ABCD4: variants seen among roughly 807,000 people sequenced by gnomAD.
The protein encoded by ABCD4 is ATP binding cassette subfamily D member 4.
Under a neutral mutation model 86.3 loss-of-function variants are expected in ABCD4, and 53 were observed. The observed-to-expected ratio is 0.61, with a 90% CI of 0.49 to 0.77. ABCD4 has a LOEUF of 0.77. Ranked by LOEUF, ABCD4 falls within the 30% of genes least tolerant of loss-of-function variation. The pLI is 0.00. For synonymous variants in ABCD4, 328 were observed against 313.6 expected (o/e 1.05, Z -0.49); for missense variants, 757 against 764.5 (o/e 0.99, Z 0.12).
intron 11 of ABCD4, 110 bp downstream of exon 11, chr14:74,292,177 C>G: frequency 1.0e-6 from 1 of 980,806 alleles, no homozygotes; most frequent in South Asian, 1.3e-5. Context: ...TCCATTTACT[C>G]CTTACAACTC....
chr14:74,295,160 G>A lies in ABCD4; in HGVS notation c.707C>T (p.Ala236Val). ...HMQIRVNAEP[A>V]AFYRAGHVEH... The stretch of plus-strand genomic sequence containing the variant: ...TCTCCAGACTCACCTGTAGAAAGCA[G>A]CAGGCTCCGCATTCACCCGAATCTG... The change falls in exon 7 of 19, where the codon GCT (alanine) becomes GTT (valine). Residue 236 changes from alanine to valine, a missense_variant. Transcript: ENST00000356924. 1 of 1,614,214 alleles carries A rather than the reference G, an allele frequency of 6.2e-7. No homozygotes were observed. Among genetic ancestry groups the A allele is most frequent in the South Asian group, 1.1e-5 (1 of 91,078 alleles).
At position 74,285,430 on chromosome 14, in the gene ABCD4, T is replaced by G. The variant is rs1038869913; in HGVS notation, c.*1031A>C. The stretch of plus-strand genomic sequence containing the variant: ...GTAAGTTAATAACACCGATGGTTTT[T>G]CTTGTATTTATTTTTAGTTACTTTC... On this transcript the variant is annotated 3_prime_UTR_variant, in exon 19 of 19. Transcript: ENST00000356924. 4.6e-5 allele frequency: 7 copies of G among 152,244 alleles called. No individual in the cohort carries two copies. The highest frequency in any genetic ancestry group is 1.7e-4 in the African/African-American group (7 of 41,456). 9.4% of individuals were successfully genotyped at this position (152,244 alleles called of 1,614,324 possible).
At chr14:74,295,266 G>A in intron 6 of ABCD4, 68 bp from the exon 7 acceptor site, 1 of 1,583,780 alleles carries the variant, frequency 6.3e-7, no homozygotes, top group Admixed American at 1.7e-5. Context: ...TTGGAGTCCT[G>A]GATCACAAAG....
rs2082886410 is a variant in ABCD4 at position 74,296,418 on chromosome 14, A to G, written c.457T>C (p.Phe153Leu). ...GCCATGCTGCTGAGCTGCCGGCAGAATCGCTCCACGTCCTGGCTGATGCGC... is the reference window on the plus strand; with the variant it reads ...GCCATGCTGCTGAGCTGCCGGCAGAGTCGCTCCACGTCCTGGCTGATGCGC... ...DQRISQDVER[F>L]CRQLSSMASK... The change falls in exon 5 of 19, where the codon TTC (phenylalanine) becomes CTC (leucine). Residue 153 changes from phenylalanine to leucine, a missense_variant. Phe to Leu is a conservative substitution (Grantham distance 22, BLOSUM62 0). Coordinates refer to ENST00000356924, the MANE Select transcript of ABCD4 (RefSeq NM_005050.4). 1.9e-6 allele frequency: 3 copies of G among 1,614,004 alleles called. No homozygotes were observed. Among genetic ancestry groups the G allele is most frequent in the Non-Finnish European group, 2.5e-6 (3 of 1,180,036 alleles).
At chr14:74,294,208 A>G (rs1162026707) in intron 7 of ABCD4, 1 of 150,384 alleles carries the variant, frequency 6.6e-6, no homozygotes. Context: ...GCCCGCCACC[A>G]TGCTCAGCTA....
chr14:74,290,046 T>A lies in ABCD4; in HGVS notation c.1400A>T (p.Asp467Val), dbSNP rs781770643. The change falls in exon 13 of 19, where the codon GAC (aspartate) becomes GTC (valine). Residue 467 changes from aspartate to valine, a missense_variant. Physicochemically the swap from Asp to Val is radical, Grantham distance 152. Coordinates refer to ENST00000356924, the MANE Select transcript of ABCD4 (RefSeq NM_005050.4). The part of the protein sequence containing the change: ...LFLPQKPFFT[D>V]GTLREQVIYP... The stretch of plus-strand genomic sequence containing the variant: ...ACTGACCTGCTCCCGAAGGGTCCCG[T>A]CAGTGAAGAATGGCTTTTGTGGCAG... 1 of 1,613,872 alleles carries A rather than the reference T, an allele frequency of 6.2e-7. No homozygotes were observed. The highest frequency in any genetic ancestry group is 8.5e-7 in the Non-Finnish European group (1 of 1,180,006).
Position 74,293,209 on chromosome 14 carries a change from CA to C in ABCD4, c.758del (p.Leu253ArgfsTer11). 6.2e-7 allele frequency: 1 copy of C among 1,614,168 alleles called. No homozygotes were observed. Among genetic ancestry groups the C allele is most frequent in the Non-Finnish European group, 8.5e-7 (1 of 1,180,032 alleles). Reference protein sequence around the residue: ...HVEHMRTDRRLQRLLQTQREL... With the variant: ...HVEHMRTDRRXQRLLQTQREL... ...CCCTCTGGGTCTGAAGGAGTCTCTG[CA>C]GCCTGCGGTCTGTCCTCATGTGCTC... On this transcript the variant is annotated frameshift_variant, in exon 8 of 19. Coordinates refer to ENST00000356924, the MANE Select transcript of ABCD4 (RefSeq NM_005050.4). LOFTEE classifies it high-confidence loss of function.
At chr14:74,287,782 C>T in intron 17 of ABCD4, 28 bp downstream of exon 17, 1 of 1,593,884 alleles carries the variant, frequency 6.3e-7, no homozygotes, top group Non-Finnish European at 8.6e-7. Context: ...CAGCGCATGG[C>T]ATGTGCAGCC....
chr14:74,299,518 G>A (rs777010981), intron 3 of ABCD4, 30 bp downstream of exon 3: 39 of 1,610,942 alleles, frequency 2.4e-5, no homozygotes, highest in African/African-American at 5.3e-5. Flanking sequence ...TGGAGAGGAC[G>A]AGAGACACAG....
chr14:74,290,121 G>A lies in ABCD4; in HGVS notation c.1328-3C>T. 3 of 1,614,148 alleles carry A rather than the reference G, an allele frequency of 1.9e-6. No homozygotes were observed. The highest frequency in any genetic ancestry group is 2.2e-5 in the South Asian group (2 of 91,082). On this transcript the variant is annotated splice_polypyrimidine_tract_variant and splice_region_variant and intron_variant, in intron 12 of 18. Transcript: ENST00000356924. ...GTCCGTCAGCATCTGCACTGAGCCT[G>A]CAGAGCCCACAGAAACCTCCATTGT...
intron 7 of ABCD4, 71 bp from the exon 8 acceptor site, chr14:74,293,319 T>C (rs760095601): frequency 1.4e-6 from 2 of 1,382,482 alleles, no homozygotes; most frequent in African/African-American, 2.8e-5. Flanking sequence ...GCCTGTCCCA[T>C]ATCACACCCT....
intron 7 of ABCD4, 194 bp downstream of exon 7, chr14:74,294,954 A>G: frequency 1.6e-6 from 1 of 632,826 alleles, no homozygotes; most frequent in South Asian, 2.0e-5. Flanking sequence ...AGGAACCACC[A>G]GCTTCAGAAG....
At position 74,290,023 on chromosome 14, in the gene ABCD4, T is replaced by C; in HGVS notation, c.1419+4A>G. On this transcript the variant is annotated splice_donor_region_variant and intron_variant, in intron 13 of 18. Coordinates refer to ENST00000356924, the MANE Select transcript of ABCD4 (RefSeq NM_005050.4). ...GAGGAGTGAGCCCCCTGAACTAGAC[T>C]GACCTGCTCCCGAAGGGTCCCGTCA... 1.2e-6 allele frequency: 2 copies of C among 1,614,096 alleles called. No individual in the cohort carries two copies. The highest frequency in any genetic ancestry group is 1.7e-6 in the Non-Finnish European group (2 of 1,180,006).
intron 7 of ABCD4, 46 bp from the exon 8 acceptor site, chr14:74,293,294 C>A (rs1205695841): frequency 6.3e-7 from 1 of 1,593,152 alleles, no homozygotes. Flanking sequence ...AGAGGTTCAG[C>A]CAGGTTGGGG....
In ABCD4 at chr14:74,289,474, C is replaced by T. The variant is rs778938879; in HGVS notation, c.1456+9G>A. The T allele has an allele frequency of 6.2e-7, 1 of 1,613,776 alleles. No individual in the cohort carries two copies. Among genetic ancestry groups the T allele is most frequent in the East Asian group, 2.2e-5 (1 of 44,874 alleles). Reference sequence around the variant, plus strand: ...AGGAGAGGACATGACCTAAGGAGGACCAGCTCACCTGAGTCGGGGTAGACC... The same window carrying T: ...AGGAGAGGACATGACCTAAGGAGGATCAGCTCACCTGAGTCGGGGTAGACC... On this transcript the variant is annotated intron_variant, in intron 14 of 18. Transcript: ENST00000356924.
intron 6 of ABCD4, among the ~76,000 whole-genome samples, chr14:74,295,479 A>G (rs545038777): frequency 6.6e-6 from 1 of 152,286 alleles, no homozygotes; most frequent in Admixed American, 6.5e-5. Context: ...CCTGGCCCAA[A>G]GGAGGGGGAC....
chr14:74,302,762 G>C, intron 1 of ABCD4, 113 bp downstream of exon 1: 2 of 1,216,264 alleles, frequency 1.6e-6, no homozygotes, highest in Non-Finnish European at 2.2e-6. Flanking sequence ...CAGAAGTCAC[G>C]GGGGCGAGAC....
Position 74,295,978 on chromosome 14 carries a change from T to C in ABCD4, c.544A>G (p.Thr182Ala), listed in dbSNP as rs769080564. ...VYYTYQCFQS[T>A]GWLGPVSIFG... is the part of the protein sequence containing the mutation. ...ATGCTCACAGGCCCGAGCCAGCCTGTGCTGAAATAGAGAGAGAGGGAGAGA... is the reference window on the plus strand; with the variant it reads ...ATGCTCACAGGCCCGAGCCAGCCTGCGCTGAAATAGAGAGAGAGGGAGAGA... Residue 182 changes from threonine (T) to alanine (A), a missense_variant and splice_region_variant, in exon 6 of 19, where the codon ACA (threonine) becomes GCA (alanine). Thr to Ala is a moderately conservative substitution (Grantham distance 58). Transcript: ENST00000356924. 6.2e-7 allele frequency: 1 copy of C among 1,603,874 alleles called. No individual in the cohort carries two copies. Among genetic ancestry groups the C allele is most frequent in the African/African-American group, 1.4e-5 (1 of 73,866 alleles).
intron 16 of ABCD4, 62 bp from the exon 17 acceptor site, chr14:74,287,948 G>A: frequency 2.0e-6 from 3 of 1,475,998 alleles, no homozygotes; most frequent in Non-Finnish European, 2.8e-6. Context: ...CTTTTACCTA[G>A]AATGGTCTGG....
Sources: allele counts gnomAD v4.1 joint callset (sites outside exome capture counted in the v4.1 genomes callset), GRCh38; gene constraint gnomAD v4.1.1; transcripts MANE v1.5; gene names NCBI Gene and HGNC (gene_info 2026-07-23, HGNC 2026-07-21).